ADGRB3: variants seen among roughly 807,000 people sequenced by gnomAD.
The protein encoded by ADGRB3 is adhesion G protein-coupled receptor B3.
A neutral mutation model predicts 193.4 loss-of-function variants in ADGRB3; 37 were observed. The ratio of observed to expected loss-of-function variants is 0.19; its 90% CI spans 0.15 to 0.25. ADGRB3 has a LOEUF of 0.25. Among genes scored for constraint, ADGRB3 ranks in the 10% least tolerant of loss-of-function variants. The pLI is 1.00. For missense variants in ADGRB3, 1,637 were observed against 1,852.9 expected (o/e 0.88, Z 2.14); for synonymous variants, 690 against 644.2 (o/e 1.07, Z -1.08).
At chr6:69,228,309 G>A (rs1766061670) in intron 17 of ADGRB3, among the ~76,000 whole-genome samples, 2 of 152,112 alleles carry the variant, frequency 1.3e-5, no homozygotes, top group South Asian at 4.1e-4. Flanking sequence ...ATTAAGACTA[G>A]TAAGTGAGAA....
At chr6:68,859,943 A>T (rs1456883520) in intron 3 of ADGRB3, among the ~76,000 whole-genome samples, 1 of 152,224 alleles carries the variant, frequency 6.6e-6, no homozygotes, top group Non-Finnish European at 1.5e-5. Context: ...AGAAATATGA[A>T]ATAATTCATT....
At chr6:69,282,972 A>G (rs1330871235) in intron 20 of ADGRB3, among the ~76,000 whole-genome samples, 1 of 152,140 alleles carries the variant, frequency 6.6e-6, no homozygotes, top group Non-Finnish European at 1.5e-5. Flanking sequence ...GCTAGCATAG[A>G]CAGGATGGAT....
At position 68,936,687 on chromosome 6, in the gene ADGRB3, T is replaced by A; in HGVS notation, c.1030+7T>A. 6.2e-7 allele frequency: 1 copy of A among 1,609,150 alleles called. No homozygotes were observed. The highest frequency in any genetic ancestry group is 8.5e-7 in the Non-Finnish European group (1 of 1,177,256). ...AACACTGCCCTCTGTCCAGGTAGTG[T>A]TAGCAGCAACTACAACTGTGGATGT... On this transcript the variant is annotated splice_region_variant and intron_variant, in intron 5 of 31. Transcript: ENST00000370598.
At chr6:68,850,741 C>A (rs1768381283) in intron 3 of ADGRB3, among the ~76,000 whole-genome samples, 1 of 151,956 alleles carries the variant, frequency 6.6e-6, no homozygotes, top group Admixed American at 6.6e-5. Flanking sequence ...TTTCTTTAAT[C>A]ATTTTAATCC....
chr6:68,725,483 T>C (rs1399295705), intron 3 of ADGRB3, among the ~76,000 whole-genome samples: 2 of 151,670 alleles, frequency 1.3e-5, no homozygotes, highest in Non-Finnish European at 3.0e-5. Flanking sequence ...CAGAATGAGA[T>C]GTATTCATAC....
At chr6:68,740,386 G>A (rs1321949379) in intron 3 of ADGRB3, among the ~76,000 whole-genome samples, 1 of 152,066 alleles carries the variant, frequency 6.6e-6, no homozygotes, top group Admixed American at 6.6e-5. Flanking sequence ...AGTGAGACCT[G>A]GTCTCTATAA....
chr6:69,046,511 G>A (rs1047037415), intron 13 of ADGRB3, among the ~76,000 whole-genome samples: 1 of 152,126 alleles, frequency 6.6e-6, no homozygotes, highest in Admixed American at 6.5e-5. Flanking sequence ...AACTATGTTA[G>A]AGCTGGTATC....
intron 6 of ADGRB3, among the ~76,000 whole-genome samples, chr6:68,944,968 G>A (rs1244974161): frequency 6.6e-6 from 1 of 152,104 alleles, no homozygotes; most frequent in African/African-American, 2.4e-5. Flanking sequence ...TCCCAGTACT[G>A]TTGTCCTCCA....
intron 3 of ADGRB3, among the ~76,000 whole-genome samples, chr6:68,732,577 G>A (rs895579915): frequency 6.6e-6 from 1 of 151,928 alleles, no homozygotes; most frequent in African/African-American, 2.4e-5. Context: ...ATGGTATGAA[G>A]AATTGGAAAA....
intron 26 of ADGRB3, among the ~76,000 whole-genome samples, chr6:69,353,529 C>T (rs552925217): frequency 2.0e-5 from 3 of 151,828 alleles, no homozygotes; most frequent in East Asian, 1.9e-4. Flanking sequence ...TCTCATTTTT[C>T]GTAATATTTA....
chr6:68,943,088 A>G (rs917240190), intron 5 of ADGRB3, among the ~76,000 whole-genome samples: 2 of 152,210 alleles, frequency 1.3e-5, no homozygotes, highest in Admixed American at 6.5e-5. Flanking sequence ...TTAGAAATTT[A>G]TATAAATTAG....
chr6:68,670,023 T>C (rs564176002), intron 3 of ADGRB3, among the ~76,000 whole-genome samples: 8 of 152,244 alleles, frequency 5.3e-5, no homozygotes, highest in African/African-American at 1.9e-4. Context: ...TGATCAGTGA[T>C]GTTGAGCACA....
At chr6:69,096,195 T>G (rs1772870488) in intron 17 of ADGRB3, among the ~76,000 whole-genome samples, 1 of 152,172 alleles carries the variant, frequency 6.6e-6, no homozygotes, top group African/African-American at 2.4e-5. Flanking sequence ...TTCCTAATTT[T>G]TCACCACTAA....
intron 17 of ADGRB3, among the ~76,000 whole-genome samples, chr6:69,143,731 A>G (rs1170039508): frequency 6.6e-6 from 1 of 151,998 alleles, no homozygotes; most frequent in Non-Finnish European, 1.5e-5. Context: ...ATTCTTCTCC[A>G]TTGGTTTATG....
intron 3 of ADGRB3, among the ~76,000 whole-genome samples, chr6:68,816,302 A>T (rs1767629789): frequency 6.6e-6 from 1 of 152,030 alleles, no homozygotes; most frequent in Non-Finnish European, 1.5e-5. Flanking sequence ...ATTATCATGA[A>T]AATGATTAAG....
chr6:68,755,796 ATTTTC>A (rs1384379976), intron 3 of ADGRB3, among the ~76,000 whole-genome samples: 1 of 152,050 alleles, frequency 6.6e-6, no homozygotes, highest in Non-Finnish European at 1.5e-5. Context: ...CACGGGAAAT[ATTTTC>A]TTAGGAATAT....
rs1448662509 is a variant in ADGRB3, at chr6:69,058,594, C to A, written c.2334-4340C>A. On this transcript the variant is annotated intron_variant, in intron 15 of 31. Transcript: ENST00000370598. ...TAGGTGTTTACTGCTATAAACTTCC[C>A]TCTTAGTACCTTTTTGCTGCCTCAC... Among the ~76,000 whole-genome samples the A allele has an allele frequency of 2.6e-5, 4 of 151,758 alleles. No homozygotes were observed. The East Asian group carries it at 7.7e-4, about 29-fold the overall frequency.
chr6:68,975,390 G>T, intron 10 of ADGRB3, 50 bp downstream of exon 10: 1 of 1,409,444 alleles, frequency 7.1e-7, no homozygotes, highest in Non-Finnish European at 1.0e-6. Context: ...TTTTGCTAAT[G>T]ATCACTGTGT....
intron 26 of ADGRB3, among the ~76,000 whole-genome samples, chr6:69,350,547 T>C (rs1234309697): frequency 6.6e-6 from 1 of 152,120 alleles, no homozygotes; most frequent in Non-Finnish European, 1.5e-5. Flanking sequence ...TTGCATTTAC[T>C]GGTATCAAGT....
Sources: gnomAD v4.1 joint callset for allele counts (sites outside exome capture counted in the v4.1 genomes callset) on GRCh38, gnomAD v4.1.1 for gene constraint, MANE v1.5 for transcripts, NCBI Gene and HGNC (gene_info 2026-07-23, HGNC 2026-07-21) for gene names.